The following PTPRO variants were observed in gnomAD, a reference collection of about 807,000 sequenced individuals.
PTPRO encodes the protein receptor-type tyrosine-protein phosphatase O.
A neutral mutation model predicts 145.2 loss-of-function variants in PTPRO; 62 were observed. The observed-to-expected ratio is 0.43, with a 90% CI of 0.35 to 0.53. The LOEUF (loss-of-function observed/expected upper bound fraction) is 0.53. Ranked by LOEUF, PTPRO falls within the 20% of genes least tolerant of loss-of-function variation. The pLI, the probability that PTPRO is intolerant of heterozygous loss-of-function variation, is 0.01. For missense variants in PTPRO, 1,345 were observed against 1,482.7 expected (o/e 0.91, Z 1.53); for synonymous variants, 565 against 514.7 (o/e 1.10, Z -1.32).
At chr12:15,487,450 G>A (rs1174009818) in intron 2 of PTPRO, among the ~76,000 whole-genome samples, 1 of 152,152 alleles carries the variant, frequency 6.6e-6, no homozygotes, top group Non-Finnish European at 1.5e-5. Flanking sequence ...AGAAAGGAAA[G>A]ATTTTTCTGC....
intron 19 of PTPRO, among the ~76,000 whole-genome samples, chr12:15,577,100 C>T (rs1944203157): frequency 6.6e-6 from 1 of 152,118 alleles, no homozygotes. Flanking sequence ...AAGCATCTGC[C>T]TAAATATATT....
intron 25 of PTPRO, among the ~76,000 whole-genome samples, chr12:15,592,945 C>T (rs1267512782): frequency 3.9e-5 from 6 of 152,174 alleles, no homozygotes; most frequent in Non-Finnish European, 7.3e-5. Flanking sequence ...TCGGGACTTT[C>T]AAGGACAAGT....
chr12:15,427,589 T>C (rs1339354934), intron 1 of PTPRO, among the ~76,000 whole-genome samples: 2 of 151,806 alleles, frequency 1.3e-5, no homozygotes, highest in Non-Finnish European at 1.5e-5. Flanking sequence ...AATTATATTG[T>C]CTCATTATGG....
At chr12:15,547,953 T>G (rs1214403473) in intron 13 of PTPRO, among the ~76,000 whole-genome samples, 2 of 152,194 alleles carry the variant, frequency 1.3e-5, no homozygotes, top group African/African-American at 4.8e-5. Context: ...TGGCCATGGG[T>G]CCACCAAGTT....
At chr12:15,574,382 G>C (rs1372520923) in intron 19 of PTPRO, among the ~76,000 whole-genome samples, 1 of 152,200 alleles carries the variant, frequency 6.6e-6, no homozygotes, top group African/African-American at 2.4e-5. Flanking sequence ...TGAAATGTGA[G>C]AGCCCAGAAG....
intron 19 of PTPRO, among the ~76,000 whole-genome samples, chr12:15,577,982 A>G (rs1168681819): frequency 6.6e-6 from 1 of 152,178 alleles, no homozygotes; most frequent in African/African-American, 2.4e-5. Flanking sequence ...AAAATTTCCC[A>G]TCAGTTCACC....
At chr12:15,469,035 T>C (rs1941479575) in intron 1 of PTPRO, among the ~76,000 whole-genome samples, 2 of 152,226 alleles carry the variant, frequency 1.3e-5, no homozygotes, top group South Asian at 4.1e-4. Context: ...AAATATGCTG[T>C]GAGCTTCGTA....
At chr12:15,503,538 C>T (rs1021807060) in intron 5 of PTPRO, among the ~76,000 whole-genome samples, 6 of 152,022 alleles carry the variant, frequency 3.9e-5, no homozygotes, top group African/African-American at 1.4e-4. Flanking sequence ...GATATTTGAT[C>T]CTGGTTATTT....
chr12:15,529,557 C>T (rs1942914909), intron 12 of PTPRO, among the ~76,000 whole-genome samples: 1 of 151,906 alleles, frequency 6.6e-6, no homozygotes, highest in East Asian at 1.9e-4. Context: ...GCAGGAGGAT[C>T]ACTTTAGCCC....
intron 1 of PTPRO, among the ~76,000 whole-genome samples, chr12:15,323,712 T>C (rs1437183739): frequency 6.6e-6 from 1 of 152,198 alleles, no homozygotes; most frequent in African/African-American, 2.4e-5. Flanking sequence ...AACTCAAGAA[T>C]GTCGACAGGT....
chr12:15,451,443 AG>A (rs1565637208), intron 1 of PTPRO, among the ~76,000 whole-genome samples: 1 of 152,164 alleles, frequency 6.6e-6, no homozygotes, highest in Non-Finnish European at 1.5e-5. Flanking sequence ...TCATTAAGAC[AG>A]AACGTCAACA....
rs1866390801 is a variant in PTPRO, at chr12:15,324,513, TA to T, written c.75+1714del. On this transcript the variant is annotated intron_variant, in intron 1 of 26. Transcript: ENST00000281171. ...TCATAGAGGTCCAGCCTGCTTCACA[TA>T]ATAGGTATATTCCTGAACATTGCAG... Among the ~76,000 whole-genome samples the T allele has an allele frequency of 1.3e-5, 2 of 152,346 alleles. 1 individual carries two copies. The highest frequency in any genetic ancestry group is 4.8e-5 in the African/African-American group (2 of 41,582).
At chr12:15,465,771 G>A (rs1281226363) in intron 1 of PTPRO, among the ~76,000 whole-genome samples, 1 of 152,172 alleles carries the variant, frequency 6.6e-6, no homozygotes, top group East Asian at 1.9e-4. Flanking sequence ...CTATTTAATG[G>A]GGTTCATGGA....
chr12:15,511,432 G>A (rs1942438043), intron 7 of PTPRO, among the ~76,000 whole-genome samples: 1 of 152,124 alleles, frequency 6.6e-6, no homozygotes, highest in Non-Finnish European at 1.5e-5. Context: ...ACCAAGTCAG[G>A]TAATCTGTAA....
At chr12:15,511,248 A>G (rs921026295) in intron 7 of PTPRO, among the ~76,000 whole-genome samples, 2 of 152,232 alleles carry the variant, frequency 1.3e-5, no homozygotes, top group South Asian at 4.1e-4. Flanking sequence ...AATAAAACAC[A>G]TTACTTAACA....
intron 18 of PTPRO, among the ~76,000 whole-genome samples, chr12:15,566,369 A>C (rs574756206): frequency 1.9e-4 from 29 of 152,350 alleles, no homozygotes; most frequent in Middle Eastern, 3.4e-3. Flanking sequence ...TTATGGAAAG[A>C]AATCATGAGT....
At chr12:15,337,622 A>G (rs753111781) in intron 1 of PTPRO, among the ~76,000 whole-genome samples, 3 of 152,242 alleles carry the variant, frequency 2.0e-5, no homozygotes, top group Non-Finnish European at 4.4e-5. Flanking sequence ...CTGTACACAC[A>G]TATTCCTAGA....
At chr12:15,585,262 A>T (rs1944407066) in intron 23 of PTPRO, among the ~76,000 whole-genome samples, 1 of 152,216 alleles carries the variant, frequency 6.6e-6, no homozygotes, top group Non-Finnish European at 1.5e-5. Context: ...CTGGCAACCA[A>T]AGTTATCTGG....
chr12:15,511,037 C>G (rs1298217277), intron 7 of PTPRO, among the ~76,000 whole-genome samples: 1 of 145,464 alleles, frequency 6.9e-6, no homozygotes, highest in African/African-American at 2.5e-5. Context: ...CTATCATGTA[C>G]TTACTTCAAT....
Sources: gnomAD v4.1 joint callset for allele counts (sites outside exome capture counted in the v4.1 genomes callset) on GRCh38, gnomAD v4.1.1 for gene constraint, MANE v1.5 for transcripts, NCBI Gene and HGNC (gene_info 2026-07-23, HGNC 2026-07-21) for gene names.